MAGI2: variants seen among roughly 807,000 people sequenced by gnomAD.
MAGI2 encodes the protein membrane associated guanylate kinase, WW and PDZ domain containing 2.
Under a neutral mutation model 133.3 loss-of-function variants are expected in MAGI2, and 35 were observed. The observed-to-expected ratio is 0.26, with a 90% CI of 0.20 to 0.35. The LOEUF (loss-of-function observed/expected upper bound fraction) is 0.35. Among genes scored for constraint, MAGI2 ranks in the 10% least tolerant of loss-of-function variants. The pLI, the probability that MAGI2 is intolerant of heterozygous loss-of-function variation, is 1.00. For synonymous variants in MAGI2, 729 were observed against 710.6 expected, an observed-to-expected ratio of 1.03 and a Z score of -0.41; for missense variants, 1,636 against 1,863.4, an observed-to-expected ratio of 0.88 and a Z score of 2.25.
Position 78,948,844 on chromosome 7 carries a change from T to C in MAGI2, c.418+58246A>G, listed in dbSNP as rs547199924. On this transcript the variant is annotated intron_variant, in intron 2 of 21. Transcript: ENST00000354212. ...TCACATTGATAGTTTATTATACATA[T>C]TTTGATGTGTGCTTTCCATAAGTAC... Among the ~76,000 whole-genome samples the C allele has an allele frequency of 5.9e-5, 9 of 152,232 alleles. No individual in the cohort carries two copies. In the East Asian group the frequency reaches 1.7e-3, roughly 29 times the overall value.
chr7:78,837,259 A>T (rs1330498), intron 2 of MAGI2, among the ~76,000 whole-genome samples: 63,776 of 151,960 alleles, frequency 0.42, 14,256 homozygotes, highest in East Asian at 0.73. Context: ...TTGTACATTG[A>T]TTCTAGTTCA....
At chr7:79,427,426 T>C (rs940368233) in intron 1 of MAGI2, among the ~76,000 whole-genome samples, 2 of 152,124 alleles carry the variant, frequency 1.3e-5, no homozygotes, top group African/African-American at 2.4e-5. Context: ...TCTATCGAAA[T>C]GATTTTTCAA....
Position 78,372,370 on chromosome 7 carries a change from G to C in MAGI2, c.1046-3157C>G, listed in dbSNP as rs1213916483. 2.6e-5 allele frequency among the ~76,000 whole-genome samples: 4 copies of C among 152,118 alleles called. No homozygotes were observed. In the East Asian group the frequency reaches 5.8e-4, roughly 22 times the overall value. ...AGTTTAAAAAAACAAAACAACTGCTGCTTCTTTAAATTAAGCTAACAGATG... is the reference window on the plus strand; with the variant it reads ...AGTTTAAAAAAACAAAACAACTGCTCCTTCTTTAAATTAAGCTAACAGATG... On this transcript the variant is annotated intron_variant, in intron 6 of 21. Transcript: ENST00000354212.
intron 6 of MAGI2, among the ~76,000 whole-genome samples, chr7:78,457,145 C>G (rs1165923790): frequency 2.0e-5 from 3 of 152,186 alleles, no homozygotes; most frequent in Non-Finnish European, 4.4e-5. Context: ...TGCTTTCCAC[C>G]TACTAGCCCT....
At chr7:78,917,559 A>G (rs2151627642) in intron 2 of MAGI2, among the ~76,000 whole-genome samples, 1 of 152,246 alleles carries the variant, frequency 6.6e-6, no homozygotes, top group East Asian at 1.9e-4. Flanking sequence ...TCTAACACCA[A>G]CAACTAATTC....
chr7:78,060,083 G>T (rs3823800), intron 21 of MAGI2, among the ~76,000 whole-genome samples: 68,169 of 151,906 alleles, frequency 0.45, 15,292 homozygotes, highest in East Asian at 0.52. Flanking sequence ...CAATTACAAT[G>T]TGAGAAAAAA....
intron 2 of MAGI2, among the ~76,000 whole-genome samples, chr7:78,952,722 A>G (rs1241588755): frequency 6.6e-6 from 1 of 152,188 alleles, no homozygotes; most frequent in Non-Finnish European, 1.5e-5. Flanking sequence ...TGGTTCCCAT[A>G]CGCAGACTTT....
Position 79,077,593 on chromosome 7 carries a change from A to AT in MAGI2, c.302-70388_302-70387insA, listed in dbSNP as rs1562865506. On this transcript the variant is annotated intron_variant, in intron 1 of 21. Transcript: ENST00000354212. Reference sequence around the variant, plus strand: ...GCCTCTCAAAAAAAAAAAAAAAAAAAAATAAATAAATAAATAAATTCCCTT... The same window carrying AT: ...GCCTCTCAAAAAAAAAAAAAAAAAAATAATAAATAAATAAATAAATTCCCTT... Among the ~76,000 whole-genome samples, 9 of 71,144 alleles carry AT rather than the reference A, an allele frequency of 1.3e-4. 1 individual carries two copies. The South Asian group carries it at 3.0e-3, about 23-fold the overall frequency. The allele number at this position is 71,144 out of a possible 152,430, so 46.7% of individuals were successfully genotyped here. A position where few individuals can be genotyped will look rare whatever the true frequency, so the allele number is the denominator to read the frequency against.
At chr7:78,789,772 A>T (rs1376103886) in intron 2 of MAGI2, among the ~76,000 whole-genome samples, 1 of 152,210 alleles carries the variant, frequency 6.6e-6, no homozygotes, top group African/African-American at 2.4e-5. Context: ...TTGTTGTGCT[A>T]TCACGTACTA....
At chr7:79,122,431 G>A (rs1819986052) in intron 1 of MAGI2, among the ~76,000 whole-genome samples, 2 of 152,076 alleles carry the variant, frequency 1.3e-5, no homozygotes, top group Non-Finnish European at 2.9e-5. Flanking sequence ...GCACATAGAT[G>A]TATAGGGTTA....
intron 3 of MAGI2, among the ~76,000 whole-genome samples, chr7:78,557,197 C>T (rs1023009111): frequency 6.6e-6 from 1 of 151,500 alleles, no homozygotes; most frequent in East Asian, 1.9e-4. Context: ...GGTTTCCTAA[C>T]TCAGTGATGT....
intron 5 of MAGI2, 83 bp downstream of exon 5, chr7:78,501,484 CTTTTTTTTTT>C (rs554529806): frequency 3.6e-6 from 3 of 835,116 alleles, no homozygotes; most frequent in Non-Finnish European, 5.4e-6. Flanking sequence ...ATGTTTTTTT[CTTTTTTTTTT>C]TTTTTCCACG....
rs185066565 is a variant in MAGI2, at chr7:79,015,030, A to C, written c.302-7824T>G. Among the ~76,000 whole-genome samples, 338 of 152,388 alleles carry C rather than the reference A, an allele frequency of 2.2e-3. 7 individuals are homozygous for C. Among genetic ancestry groups the C allele is most frequent in the East Asian group, 2.1e-3 (11 of 5,194 alleles). On this transcript the variant is annotated intron_variant, in intron 1 of 21. Transcript: ENST00000354212. ...TATGCTTGAAATATCTTCATTCATA[A>C]AACTAAAAGTGAACATGTAAATGGT...
intron 1 of MAGI2, among the ~76,000 whole-genome samples, chr7:79,106,510 A>C (rs900107967): frequency 6.6e-6 from 1 of 152,212 alleles, no homozygotes; most frequent in Non-Finnish European, 1.5e-5. Flanking sequence ...AAATATGATA[A>C]AATATTATTA....
At chr7:79,014,095 A>T (rs186482642) in intron 1 of MAGI2, among the ~76,000 whole-genome samples, 22 of 152,346 alleles carry the variant, frequency 1.4e-4, no homozygotes, top group African/African-American at 5.0e-4. Context: ...GATCATTAGA[A>T]GATTTAAAAC....
At chr7:78,129,935 C>CA (rs61675652) in intron 18 of MAGI2, among the ~76,000 whole-genome samples, 20,382 of 57,198 alleles carry the variant, frequency 0.36, 3,577 homozygotes, top group Non-Finnish European at 0.37. Flanking sequence ...AACTCCGCCT[C>CA]AAAAAAAAAA....
chr7:78,537,198 C>CACAG (rs1373704615), intron 3 of MAGI2, among the ~76,000 whole-genome samples: 188 of 151,854 alleles, frequency 1.2e-3, no homozygotes, highest in African/African-American at 4.3e-3. Context: ...CACACACACA[C>CACAG]ACACACACAG....
At chr7:78,102,619 A>G (rs1370222212) in intron 20 of MAGI2, among the ~76,000 whole-genome samples, 1 of 152,230 alleles carries the variant, frequency 6.6e-6, no homozygotes, top group African/African-American at 2.4e-5. Context: ...TGTCTCCGGT[A>G]GGACTCACAC....
chr7:78,359,814 T>C (rs1312260842), intron 7 of MAGI2, among the ~76,000 whole-genome samples: 2 of 152,218 alleles, frequency 1.3e-5, no homozygotes, highest in Non-Finnish European at 2.9e-5. Context: ...CCAAATTTAT[T>C]CTTGTTAACA....
Sources: gnomAD v4.1 joint callset for allele counts (sites outside exome capture counted in the v4.1 genomes callset) on GRCh38, gnomAD v4.1.1 for gene constraint, MANE v1.5 for transcripts, NCBI Gene and HGNC (gene_info 2026-07-23, HGNC 2026-07-21) for gene names.